The following TACC2 variants were observed in gnomAD, a reference collection of about 807,000 sequenced individuals.
TACC2 encodes the protein transforming acidic coiled-coil-containing protein 2.
A neutral mutation model predicts 227.3 loss-of-function variants in TACC2; 137 were observed. The observed-to-expected ratio is 0.60, with a 90% CI of 0.52 to 0.69. TACC2 has a LOEUF of 0.69. Ranked by LOEUF, TACC2 falls within the 30% of genes least tolerant of loss-of-function variation. The pLI, the probability that TACC2 is intolerant of heterozygous loss-of-function variation, is 0.00. For missense variants in TACC2, 3,470 were observed against 3,694.4 expected (o/e 0.94, Z 1.57); for synonymous variants, 1,523 against 1,487.5 (o/e 1.02, Z -0.55).
rs2077215618 is a variant in TACC2 at position 122,064,824 on chromosome 10, G to A, written c.146+14274G>A. On this transcript the variant is annotated intron_variant, in intron 3 of 22. Transcript: ENST00000369005. The stretch of plus-strand genomic sequence containing the variant: ...TTTTGTTCTAATTCCTTTTTTATTG[G>A]TATCAGATACATACTGTGAGTTGTC... Among the ~76,000 whole-genome samples, 5 of 151,810 alleles carry A rather than the reference G, an allele frequency of 3.3e-5. 1 individual carries two copies. The South Asian group carries it at 1.0e-3, about 32-fold the overall frequency.
intron 5 of TACC2, among the ~76,000 whole-genome samples, chr10:122,113,636 G>C (rs1041438526): frequency 5.3e-5 from 8 of 152,246 alleles, no homozygotes; most frequent in African/African-American, 1.9e-4. Context: ...TTCCCACCGG[G>C]CTCTTTCCCA....
chr10:122,229,379 G>A lies in TACC2; in HGVS notation c.7930G>A (p.Ala2644Thr), dbSNP rs185164847. Residue 2644 changes from alanine (A) to threonine (T), a missense_variant, in exon 15 of 23, where the codon GCC (alanine) becomes ACC (threonine). By Grantham distance (58) the Ala-to-Thr change is moderately conservative. Around this residue, in one of 10 missense-constraint regions of TACC2, gnomAD observed 345 missense variants for 354.4 expected, o/e 0.97. Transcript: ENST00000369005. ...CGAGGGCTCCTTTGCCTCTGCTGACGCCCTCCTCAGCAGGCTAGCTCACCC... is the reference window on the plus strand; with the variant it reads ...CGAGGGCTCCTTTGCCTCTGCTGACACCCTCCTCAGCAGGCTAGCTCACCC... Reference protein sequence around the residue: ...APEGSFASADALLSRLAHPVS... With the variant: ...APEGSFASADTLLSRLAHPVS... 4.7e-5 allele frequency: 76 copies of A among 1,613,616 alleles called. No homozygotes were observed. The East Asian group carries it at 6.7e-4, about 14-fold the overall frequency.
chr10:122,165,002 TCGG>T (rs2093068487), intron 7 of TACC2, among the ~76,000 whole-genome samples: 1 of 152,102 alleles, frequency 6.6e-6, no homozygotes, highest in Non-Finnish European at 1.5e-5. Context: ...AGGAGCTGGC[TCGG>T]CGTAGTGATG....
chr10:122,184,801 G>A lies in TACC2; in HGVS notation c.5835-10239G>A, dbSNP rs188297955. Among the ~76,000 whole-genome samples the A allele has an allele frequency of 2.1e-4, 32 of 151,986 alleles. 1 individual carries two copies. In the East Asian group the frequency reaches 2.5e-3, roughly 12 times the overall value. On this transcript the variant is annotated intron_variant, in intron 7 of 22. Transcript: ENST00000369005. ...TATATACACATTTCTTAATTTGCTG[G>A]GTTTTTTTTCCTACTTATCACCTAA...
intron 13 of TACC2, among the ~76,000 whole-genome samples, chr10:122,227,287 G>A (rs1053294424): frequency 2.0e-5 from 3 of 152,202 alleles, no homozygotes; most frequent in Admixed American, 6.5e-5. Flanking sequence ...GGGCATTGCT[G>A]TGAGATTTGG....
chr10:122,216,940 T>C, intron 11 of TACC2, 112 bp downstream of exon 11: 3 of 1,583,380 alleles, frequency 1.9e-6, no homozygotes, highest in African/African-American at 1.3e-5. Context: ...GTGATCATCA[T>C]TGTGAGATCG....
rs1229166880 is a variant in TACC2, at chr10:122,084,820, T to G, written c.2320T>G (p.Phe774Val). The G allele has an allele frequency of 6.2e-7, 1 of 1,613,450 alleles. No homozygotes were observed. Among genetic ancestry groups the G allele is most frequent in the African/African-American group, 1.3e-5 (1 of 74,882 alleles). ...GGCGTGTGATGCGTCGAGACAGGAA[T>G]TTCATGCTGGGGTGCCACATCCCCC... Reference protein sequence around the residue: ...GPACDASRQEFHAGVPHPPQG... With the variant: ...GPACDASRQEVHAGVPHPPQG... Residue 774 changes from phenylalanine to valine, a missense_variant, in exon 4 of 23, where the codon TTT becomes GTT. Phe to Val is a conservative substitution (Grantham distance 50). Transcript: ENST00000369005.
chr10:122,007,945 C>T (rs1320786805), intron 1 of TACC2, among the ~76,000 whole-genome samples: 1 of 152,134 alleles, frequency 6.6e-6, no homozygotes, highest in Non-Finnish European at 1.5e-5. Context: ...CGTACTCTAG[C>T]CTCTTGCCAT....
intron 16 of TACC2, among the ~76,000 whole-genome samples, chr10:122,230,949 A>G (rs2095731168): frequency 6.6e-6 from 1 of 152,274 alleles, no homozygotes; most frequent in Non-Finnish European, 1.5e-5. Context: ...ATAATATTCT[A>G]GACCAGGCTT....
intron 5 of TACC2, among the ~76,000 whole-genome samples, chr10:122,107,888 TTTC>T (rs1480030800): frequency 2.5e-4 from 12 of 47,356 alleles, no homozygotes; most frequent in East Asian, 2.1e-3. Flanking sequence ...ATATTTTTTT[TTTC>T]TTTTTTCTTT....
In TACC2 at chr10:122,150,149, G is replaced by T. The variant is rs904423432; in HGVS notation, c.5834+6443G>T. On this transcript the variant is annotated intron_variant, in intron 7 of 22. Coordinates refer to ENST00000369005, the MANE Select transcript of TACC2 (RefSeq NM_206862.4). This position sits in a 1 kb window ranked among gnomAD's most constrained non-coding sequence, Gnocchi z 4.0. ...GGGAGGGGAAGGAGAGCCGGCAGCAGCGGGGCTCCCTGGCCCTACTCTGGG... is the reference window on the plus strand; with the variant it reads ...GGGAGGGGAAGGAGAGCCGGCAGCATCGGGGCTCCCTGGCCCTACTCTGGG... 1.3e-5 allele frequency among the ~76,000 whole-genome samples: 2 copies of T among 152,254 alleles called. No individual in the cohort carries two copies. Among genetic ancestry groups the T allele is most frequent in the Non-Finnish European group, 2.9e-5 (2 of 68,048 alleles).
At chr10:122,127,910 TATAAG>T (rs1007790805) in intron 5 of TACC2, among the ~76,000 whole-genome samples, 14 of 152,218 alleles carry the variant, frequency 9.2e-5, no homozygotes, top group Admixed American at 2.0e-4. Context: ...ATTTTTAAAT[TATAAG>T]ATAATGATTT....
chr10:122,127,235 T>C (rs1291977359), intron 5 of TACC2: 4 of 152,728 alleles, frequency 2.6e-5, no homozygotes, highest in Non-Finnish European at 5.8e-5. Context: ...CCTTCACAGT[T>C]CTCCTTTCTT....
At chr10:122,151,902 C>T (rs144910577) in intron 7 of TACC2, among the ~76,000 whole-genome samples, 2 of 152,272 alleles carry the variant, frequency 1.3e-5, no homozygotes, top group East Asian at 3.9e-4. Flanking sequence ...CAACGTGGGC[C>T]ACAGTATGTC....
intron 8 of TACC2, among the ~76,000 whole-genome samples, chr10:122,203,155 G>C (rs909590566): frequency 6.6e-6 from 1 of 152,210 alleles, no homozygotes; most frequent in African/African-American, 2.4e-5. Context: ...ATCATGGCCC[G>C]TTCTCAACGA....
chr10:122,183,345 A>C (rs1455390394), intron 7 of TACC2, among the ~76,000 whole-genome samples: 2 of 152,182 alleles, frequency 1.3e-5, no homozygotes, highest in African/African-American at 4.8e-5. Flanking sequence ...TCATCCTCTC[A>C]GTCTCCCGTT....
rs397731091 is a variant in TACC2, at chr10:122,014,227, A to AT, written c.-45-7697dup. Among the ~76,000 whole-genome samples the AT allele has an allele frequency of 4.2e-3, 614 of 145,174 alleles. 4 individuals are homozygous for AT. Among genetic ancestry groups the AT allele is most frequent in the African/African-American group, 0.013 (511 of 39,326 alleles). ...CCATTGATGAAATGAGACCTGTGTA[A>AT]TTTTTTTTTTTTTGAGTTTTGCTCC... On this transcript the variant is annotated intron_variant, in intron 1 of 22. Coordinates refer to ENST00000369005, the MANE Select transcript of TACC2 (RefSeq NM_206862.4).
At position 122,132,471 on chromosome 10, in the gene TACC2, C is replaced by T. The variant is rs2088494245; in HGVS notation, c.5574-138C>T. On this transcript the variant is annotated intron_variant, in intron 5 of 22. Coordinates refer to ENST00000369005, the MANE Select transcript of TACC2 (RefSeq NM_206862.4). ...GGCCAAGGGAGGAGAATTGCCTGTA[C>T]CCTGGAGACAGAGTTTGCAGTGAGC... 36 of 1,022,452 alleles carry T rather than the reference C, an allele frequency of 3.5e-5. No individual in the cohort carries two copies. The South Asian group carries it at 4.9e-4, about 14-fold the overall frequency. The allele number at this position is 1,022,452 out of a possible 1,614,324, so 63.3% of individuals were successfully genotyped here. A position where few individuals can be genotyped will look rare whatever the true frequency, so the allele number is the denominator to read the frequency against.
chr10:122,126,350 G>GTGTGTGTGTGTGTGTGTGT (rs1555053362), intron 5 of TACC2, among the ~76,000 whole-genome samples: 3 of 151,138 alleles, frequency 2.0e-5, no homozygotes, highest in South Asian at 2.1e-4. Flanking sequence ...GTGTGTGTTT[G>GTGTGTGTGTGTGTGTGTGT]ATGTTCAAAT....
Sources: allele counts gnomAD v4.1 joint callset (sites outside exome capture counted in the v4.1 genomes callset), GRCh38; gene constraint gnomAD v4.1.1; regional missense constraint gnomAD v4.1.1; non-coding constraint Gnocchi (gnomAD v3.1); transcripts MANE v1.5; gene names NCBI Gene and HGNC (gene_info 2026-07-23, HGNC 2026-07-21).